ITGA1: variants seen among roughly 807,000 people sequenced by gnomAD.
ITGA1 encodes the protein integrin subunit alpha 1, also known as integrin alpha-1.
Under a neutral mutation model 145.9 loss-of-function variants are expected in ITGA1, and 85 were observed. The observed-to-expected ratio is 0.58, with a 90% CI of 0.49 to 0.70. The LOEUF (loss-of-function observed/expected upper bound fraction) is 0.70, where lower values mean the gene tolerates loss of function less well. Ranked by LOEUF, ITGA1 falls within the 30% of genes least tolerant of loss-of-function variation. ITGA1 has a pLI of 0.00. For missense variants in ITGA1, 1,351 were observed against 1,418.7 expected (o/e 0.95, Z 0.77); for synonymous variants, 520 against 495.3 (o/e 1.05, Z -0.66).
chr5:52,872,580 T>TTTTTTTTTTTG (rs1449243525), intron 6 of ITGA1, among the ~76,000 whole-genome samples: 2 of 141,978 alleles, frequency 1.4e-5, no homozygotes, highest in Admixed American at 1.5e-4. Flanking sequence ...AGTCAATTTT[T>TTTTTTTTTTTG]TTTTTTTTTT....
chr5:52,840,941 A>T (rs2111737915), intron 1 of ITGA1, among the ~76,000 whole-genome samples: 1 of 152,332 alleles, frequency 6.6e-6, no homozygotes. Context: ...ATACACATAT[A>T]CACACACTCA....
intron 1 of ITGA1, among the ~76,000 whole-genome samples, chr5:52,833,892 T>C (rs1050030001): frequency 2.0e-5 from 3 of 152,172 alleles, no homozygotes; most frequent in African/African-American, 4.8e-5. Flanking sequence ...GATGAAGTAG[T>C]ATAGAATTGC....
chr5:52,861,382 T>C, intron 2 of ITGA1, 65 bp from the exon 3 acceptor site: 1 of 926,882 alleles, frequency 1.1e-6, no homozygotes, highest in Non-Finnish European at 1.7e-6. Flanking sequence ...AAATCAGTCA[T>C]AAAACAACTC....
chr5:52,910,968 T>C (rs1377289132), intron 14 of ITGA1, among the ~76,000 whole-genome samples: 19 of 133,062 alleles, frequency 1.4e-4, no homozygotes, highest in Admixed American at 7.9e-4. Context: ...ACACTATATA[T>C]ACTATATATA....
intron 26 of ITGA1, among the ~76,000 whole-genome samples, chr5:52,943,848 G>T (rs2111906140): frequency 6.6e-6 from 1 of 152,272 alleles, no homozygotes; most frequent in Admixed American, 6.5e-5. Context: ...CCATCTCTGG[G>T]TCTCCAGGAC....
chr5:52,867,884 G>C (rs575485889), intron 6 of ITGA1, among the ~76,000 whole-genome samples: 1 of 151,972 alleles, frequency 6.6e-6, no homozygotes, highest in Non-Finnish European at 1.5e-5. Flanking sequence ...TTCTAGAGAA[G>C]CTTCAGAGCC....
chr5:52,912,258 T>A (rs1750568119), intron 14 of ITGA1, among the ~76,000 whole-genome samples: 1 of 145,058 alleles, frequency 6.9e-6, no homozygotes, highest in Admixed American at 7.0e-5. Flanking sequence ...ATATATTATA[T>A]ATAGTGTATC....
intron 14 of ITGA1, among the ~76,000 whole-genome samples, chr5:52,912,785 C>G (rs578133637): frequency 4.7e-5 from 7 of 149,364 alleles, no homozygotes; most frequent in African/African-American, 1.5e-4. Flanking sequence ...CTCGCTCTGT[C>G]GCCCAGGCTA....
Position 52,956,569 on chromosome 5 carries a change from T to TATAATGGTATATGTGAGG in ITGA1, c.*4119_*4120insTAATGGTATATGTGAGGA, listed in dbSNP as rs938767331. On this transcript the variant is annotated 3_prime_UTR_variant, in exon 29 of 29. Coordinates refer to ENST00000282588, the MANE Select transcript of ITGA1 (RefSeq NM_181501.2). ...GCAGCGGTGTTCTAAAGGGTTCACA[T>TATAATGGTATATGTGAGG]AGTATAATGGAGGAGGGACAAAGCA... is the stretch of plus-strand genomic sequence containing the variant. 6.6e-6 allele frequency: 1 copy of TATAATGGTATATGTGAGG among 152,154 alleles called. No individual in the cohort carries two copies. The highest frequency in any genetic ancestry group is 6.5e-5 in the Admixed American group (1 of 15,270). The allele number at this position is 152,154 out of a possible 1,614,324, so 9.4% of individuals were successfully genotyped here. A position where few individuals can be genotyped will look rare whatever the true frequency, so the allele number is the denominator to read the frequency against.
intron 1 of ITGA1, among the ~76,000 whole-genome samples, chr5:52,818,631 T>C (rs2042337): frequency 0.57 from 86,649 of 151,988 alleles, 25,203 homozygotes; most frequent in African/African-American, 0.66. Context: ...GAAGAGATTA[T>C]AAATAATGAA....
intron 13 of ITGA1, 84 bp downstream of exon 13, chr5:52,909,125 C>T: frequency 7.2e-7 from 1 of 1,397,266 alleles, no homozygotes; most frequent in Non-Finnish European, 9.7e-7. Flanking sequence ...ATTTTTCACT[C>T]ACTTTGAAAA....
intron 14 of ITGA1, among the ~76,000 whole-genome samples, chr5:52,911,041 A>AGT (rs1750510778): frequency 4.7e-4 from 3 of 6,388 alleles, no homozygotes; most frequent in Non-Finnish European, 9.4e-4. Context: ...TACTGTATAT[A>AGT]CTATATATAC....
chr5:52,821,245 T>G (rs1220990677), intron 1 of ITGA1, among the ~76,000 whole-genome samples: 1 of 152,202 alleles, frequency 6.6e-6, no homozygotes, highest in African/African-American at 2.4e-5. Context: ...GTTTGCATTT[T>G]TAGACTGCTT....
At chr5:52,941,052 G>A (rs1751046772) in intron 26 of ITGA1, among the ~76,000 whole-genome samples, 1 of 152,078 alleles carries the variant, frequency 6.6e-6, no homozygotes, top group Non-Finnish European at 1.5e-5. Context: ...TGTTCCTGTG[G>A]AATTTGCTTA....
intron 1 of ITGA1, among the ~76,000 whole-genome samples, chr5:52,811,837 A>G (rs1748687655): frequency 6.6e-6 from 1 of 152,138 alleles, no homozygotes; most frequent in Admixed American, 6.5e-5. Context: ...ACAGGTCTTA[A>G]TTTTTACTGG....
chr5:52,823,585 G>T (rs973275676), intron 1 of ITGA1, among the ~76,000 whole-genome samples: 12 of 152,270 alleles, frequency 7.9e-5, no homozygotes, highest in Admixed American at 3.3e-4. Flanking sequence ...CCTGCCTTAG[G>T]AAAATGGAGG....
At position 52,957,251 on chromosome 5, in the gene ITGA1, A is replaced by T. The variant is rs1356786074; in HGVS notation, c.*4800A>T. On this transcript the variant is annotated 3_prime_UTR_variant, in exon 29 of 29. Coordinates refer to ENST00000282588, the MANE Select transcript of ITGA1 (RefSeq NM_181501.2). ...CACCCAGGAAGTCCAGTTCCTAACT[A>T]ATGGGAATGGATCCTTTTCCCATTA... 6.6e-6 allele frequency: 1 copy of T among 152,140 alleles called. No homozygotes were observed. The highest frequency in any genetic ancestry group is 6.6e-5 in the Admixed American group (1 of 15,254). The allele number at this position is 152,140 out of a possible 1,614,324, so 9.4% of individuals were successfully genotyped here.
At chr5:52,933,372 A>G (rs1750919617) in intron 22 of ITGA1, 1 of 152,042 alleles carries the variant, frequency 6.6e-6, no homozygotes, top group South Asian at 2.1e-4. Flanking sequence ...TTTGGCAAAC[A>G]CTTATAAATA....
chr5:52,808,676 C>CTTTCTTTTTTTTT lies in ITGA1; in HGVS notation c.61+20265_61+20266insCTTTTTTTTTTTT, dbSNP rs1554041033. Among the ~76,000 whole-genome samples, 408 of 69,412 alleles carry CTTTCTTTTTTTTT rather than the reference C, an allele frequency of 5.9e-3. 1 individual carries two copies. The highest frequency in any genetic ancestry group is 0.015 in the Middle Eastern group (1 of 68). The allele number at this position is 69,412 out of a possible 152,430, so 45.5% of individuals were successfully genotyped here. On this transcript the variant is annotated intron_variant, in intron 1 of 28. Coordinates refer to ENST00000282588, the MANE Select transcript of ITGA1 (RefSeq NM_181501.2). ...TTTTTTTCTTTTTCTTTCTTTCTTT[C>CTTTCTTTTTTTTT]TTTTTTTTTTTTTTTTTTTTTGTTT...
Sources: gnomAD v4.1 joint callset for allele counts (sites outside exome capture counted in the v4.1 genomes callset) on GRCh38, gnomAD v4.1.1 for gene constraint, MANE v1.5 for transcripts, NCBI Gene and HGNC (gene_info 2026-07-23, HGNC 2026-07-21) for gene names.